The following HCLS1 variants were observed in gnomAD, a reference collection of about 807,000 sequenced individuals.
HCLS1 encodes the protein hematopoietic cell-specific Lyn substrate 1, also known as hematopoietic lineage cell-specific protein.
HCLS1 carries 44 observed loss-of-function variants against 68.6 expected under a neutral mutation model. That is an observed-to-expected ratio of 0.64 (90% CI 0.50 to 0.82). The LOEUF is 0.82. Among genes scored for constraint, HCLS1 ranks in the 40% least tolerant of loss-of-function variants. HCLS1 has a pLI of 0.00. For missense variants in HCLS1, 602 were observed against 612.1 expected (o/e 0.98, Z 0.17); for synonymous variants, 217 against 225.8 (o/e 0.96, Z 0.35).
intron 9 of HCLS1, among the ~76,000 whole-genome samples, chr3:121,635,156 C>T (rs769014624): frequency 2.6e-5 from 4 of 151,930 alleles, no homozygotes; most frequent in South Asian, 2.1e-4. Context: ...ATTCCTTCCC[C>T]GACGTCACTC....
chr3:121,657,345 A>C lies in HCLS1; in HGVS notation c.92T>G (p.Ile31Ser). The change falls in exon 3 of 14, where the codon ATC (isoleucine) becomes AGC (serine). Residue 31 changes from isoleucine to serine, a missense_variant. Ile to Ser is a moderately radical substitution (Grantham distance 142). Transcript: ENST00000314583. Reference sequence around the variant, plus strand: ...TCCCCATCGTTGCTCCTTTTCAGAGATGTCATTCTGCAAACGACAGCACGC... The same window carrying C: ...TCCCCATCGTTGCTCCTTTTCAGAGCTGTCATTCTGCAAACGACAGCACGC... ...WDTDPDFVNDISEKEQRWGAK... is the reference protein window; with the variant it reads ...WDTDPDFVNDSSEKEQRWGAK... 2 of 1,613,964 alleles carry C rather than the reference A, an allele frequency of 1.2e-6. No individual in the cohort carries two copies. The highest frequency in any genetic ancestry group is 1.7e-6 in the Non-Finnish European group (2 of 1,179,912).
At position 121,632,557 on chromosome 3, in the gene HCLS1, C is replaced by T. The variant is rs369551744; in HGVS notation, c.1015G>A (p.Glu339Lys). ...CTAGGGGGCAGAGCTGGGGGCTCCT[C>T]ATTGTCCTGAGAAGAGACAGTGTGG... ...PIRQTLPEDN[E>K]EPPALPPRTL... The change falls in exon 12 of 14, where the codon GAG becomes AAG. Residue 339 changes from glutamate to lysine, a missense_variant. Physicochemically the swap from Glu to Lys is moderately conservative, Grantham distance 56 (BLOSUM62 1). Coordinates refer to ENST00000314583, the MANE Select transcript of HCLS1 (RefSeq NM_005335.6). 20 of 1,611,776 alleles carry T rather than the reference C, an allele frequency of 1.2e-5. No homozygotes were observed. The highest frequency in any genetic ancestry group is 9.4e-5 in the African/African-American group (7 of 74,672).
chr3:121,646,858 A>G (rs984716591), intron 4 of HCLS1, among the ~76,000 whole-genome samples: 11 of 143,664 alleles, frequency 7.7e-5, no homozygotes, highest in African/African-American at 2.8e-4. Flanking sequence ...TCAATTATAT[A>G]TACTTATATA....
chr3:121,632,040 T>C, intron 13 of HCLS1, 58 bp from the exon 14 acceptor site: 1 of 1,612,914 alleles, frequency 6.2e-7, no homozygotes, highest in Non-Finnish European at 8.5e-7. Flanking sequence ...TTTTCACATG[T>C]CCCCCTGTCT....
chr3:121,643,182 T>A, intron 5 of HCLS1: 1 of 484,712 alleles, frequency 2.1e-6, no homozygotes, highest in Non-Finnish European at 3.8e-6. Context: ...CAGACAGTTT[T>A]AGGTTCAAAC....
intron 4 of HCLS1, among the ~76,000 whole-genome samples, chr3:121,645,901 TATATC>T (rs1473059012): frequency 7.0e-5 from 10 of 143,550 alleles, no homozygotes; most frequent in Non-Finnish European, 1.4e-4. Context: ...ATAAATATGT[TATATC>T]ATATAATTAT....
intron 5 of HCLS1, 114 bp downstream of exon 5, chr3:121,644,704 A>G: frequency 1.2e-6 from 1 of 824,488 alleles, no homozygotes. Flanking sequence ...AGGTCCTCAC[A>G]GCATCCACTG....
intron 1 of HCLS1, among the ~76,000 whole-genome samples, chr3:121,659,271 G>A (rs376907022): frequency 3.3e-5 from 5 of 152,128 alleles, no homozygotes; most frequent in Non-Finnish European, 5.9e-5. Context: ...AAGGAAGAGC[G>A]GCACAGTTGC....
At chr3:121,636,399 A>G in intron 8 of HCLS1, 35 bp downstream of exon 8, 1 of 1,547,666 alleles carries the variant, frequency 6.5e-7, no homozygotes, top group Non-Finnish European at 8.9e-7. Flanking sequence ...AACTTAGGGA[A>G]CTCTTCTTAA....
chr3:121,650,960 A>AC (rs920618114), intron 3 of HCLS1, among the ~76,000 whole-genome samples: 49 of 152,192 alleles, frequency 3.2e-4, no homozygotes, highest in African/African-American at 1.2e-3. Flanking sequence ...CTATGGTGAA[A>AC]CCCCGTCTCT....
At chr3:121,645,039 T>G in intron 4 of HCLS1, 111 bp from the exon 5 acceptor site, 1 of 786,030 alleles carries the variant, frequency 1.3e-6, no homozygotes, top group Non-Finnish European at 2.1e-6. Context: ...CTGGGTCAGA[T>G]CTATAGCCTC....
Position 121,633,196 on chromosome 3 carries a change from A to T in HCLS1, c.904-25T>A, listed in dbSNP as rs544509632. On this transcript the variant is annotated intron_variant, in intron 10 of 13. Coordinates refer to ENST00000314583, the MANE Select transcript of HCLS1 (RefSeq NM_005335.6). The stretch of plus-strand genomic sequence containing the variant: ...CCTGTGGAAAATGAAGCATCTCTCA[A>T]GTAAGCAAGCCTCCATCTTCACTCC... 6.2e-6 allele frequency: 9 copies of T among 1,453,074 alleles called. 2 individuals carry two copies. The South Asian group carries it at 1.1e-4, about 18-fold the overall frequency. The allele number at this position is 1,453,074 out of a possible 1,614,324, so 90.0% of individuals were successfully genotyped here.
At chr3:121,647,473 C>A (rs1408610548) in intron 3 of HCLS1, 25 bp from the exon 4 acceptor site, 3 of 1,613,416 alleles carry the variant, frequency 1.9e-6, no homozygotes, top group East Asian at 2.2e-5. Flanking sequence ...ATGACCAAGG[C>A]TCATCTATCC....
chr3:121,635,472 T>A (rs1333851340), intron 9 of HCLS1, among the ~76,000 whole-genome samples: 1 of 151,950 alleles, frequency 6.6e-6, no homozygotes, highest in East Asian at 1.9e-4. Flanking sequence ...GAGATGAGGT[T>A]TCCCCATGTT....
chr3:121,645,290 A>C (rs2049236550), intron 4 of HCLS1, among the ~76,000 whole-genome samples: 1 of 152,134 alleles, frequency 6.6e-6, no homozygotes, highest in African/African-American at 2.4e-5. Context: ...AGTGTGGAGG[A>C]GAGACCAAGG....
In HCLS1 at chr3:121,638,240, A is replaced by T. The variant is rs377542775; in HGVS notation, c.455-984T>A. On this transcript the variant is annotated intron_variant, in intron 6 of 13. Coordinates refer to ENST00000314583, the MANE Select transcript of HCLS1 (RefSeq NM_005335.6). ...CCATGACTTGCTAATTTAAAAAAAA[A>T]TCTGTAGTGATAGGATCTCACTGTG... Among the ~76,000 whole-genome samples, 120 of 152,220 alleles carry T rather than the reference A, an allele frequency of 7.9e-4. 4 individuals are homozygous for T. The East Asian group carries it at 0.019, about 25-fold the overall frequency.
intron 6 of HCLS1, among the ~76,000 whole-genome samples, chr3:121,640,372 T>C (rs936380172): frequency 1.3e-5 from 2 of 152,094 alleles, no homozygotes; most frequent in African/African-American, 4.8e-5. Context: ...ATAAAACAAA[T>C]ATCCCTCTCC....
intron 3 of HCLS1, among the ~76,000 whole-genome samples, chr3:121,654,450 C>A (rs1479556487): frequency 6.6e-6 from 1 of 151,964 alleles, no homozygotes; most frequent in Non-Finnish European, 1.5e-5. Flanking sequence ...ACAAACAGGT[C>A]AAGGGAAAAG....
chr3:121,641,573 A>G lies in HCLS1; in HGVS notation c.454+1354T>C, dbSNP rs571444745. ...AAGATGGAATCAATAATAAGATGGAATAAGATGGAACCAATATACTGAACA... is the reference window on the plus strand; with the variant it reads ...AAGATGGAATCAATAATAAGATGGAGTAAGATGGAACCAATATACTGAACA... On this transcript the variant is annotated intron_variant, in intron 6 of 13. Transcript: ENST00000314583. Among the ~76,000 whole-genome samples the G allele has an allele frequency of 1.8e-3, 275 of 152,274 alleles. 1 individual carries two copies. The highest frequency in any genetic ancestry group is 6.2e-3 in the South Asian group (30 of 4,832).
Sources: gnomAD v4.1 joint callset for allele counts (sites outside exome capture counted in the v4.1 genomes callset) on GRCh38, gnomAD v4.1.1 for gene constraint, MANE v1.5 for transcripts, NCBI Gene and HGNC (gene_info 2026-07-23, HGNC 2026-07-21) for gene names.